The following SAMSN1 variants were observed in gnomAD, a reference collection of about 807,000 sequenced individuals.
SAMSN1 encodes SAM domain-containing protein SAMSN-1.
SAMSN1 carries 31 observed loss-of-function variants against 42.0 expected under a neutral mutation model. The ratio of observed to expected loss-of-function variants is 0.74; its 90% confidence interval spans 0.55 to 1.00. The LOEUF (loss-of-function observed/expected upper bound fraction) is 1.00, where lower values mean the gene tolerates loss of function less well. Ranked by LOEUF, SAMSN1 falls within the 50% of genes least tolerant of loss-of-function variation. SAMSN1 has a pLI of 0.00. For missense variants in SAMSN1, 464 were observed against 439.4 expected (o/e 1.06, Z -0.50); for synonymous variants, 178 against 151.9 (o/e 1.17, Z -1.26).
At chr21:14,581,868 C>A (rs1486470743) in intron 2 of SAMSN1, among the ~76,000 whole-genome samples, 2 of 152,116 alleles carry the variant, frequency 1.3e-5, no homozygotes, top group African/African-American at 2.4e-5. Context: ...TTCTTGATCT[C>A]AGTCAACACA....
intron 1 of SAMSN1, among the ~76,000 whole-genome samples, chr21:14,544,477 G>GAA (rs1568801255): frequency 1.3e-5 from 2 of 152,060 alleles, no homozygotes; most frequent in African/African-American, 4.8e-5. Context: ...ATGTTAAAAG[G>GAA]AAACAATCCA....
intron 2 of SAMSN1, among the ~76,000 whole-genome samples, chr21:14,556,073 T>C (rs1338926684): frequency 1.3e-5 from 2 of 152,222 alleles, no homozygotes; most frequent in Admixed American, 1.3e-4. Context: ...GGAAGAGATA[T>C]ATATGAGCTT....
chr21:14,517,571 TC>T (rs1987973087), intron 2 of SAMSN1, among the ~76,000 whole-genome samples: 1 of 152,204 alleles, frequency 6.6e-6, no homozygotes, highest in African/African-American at 2.4e-5. Flanking sequence ...AGATTTTTTT[TC>T]ATCTTAGTGT....
intron 2 of SAMSN1, among the ~76,000 whole-genome samples, chr21:14,570,123 C>T (rs8131224): frequency 3.6e-4 from 54 of 152,106 alleles, no homozygotes; most frequent in Non-Finnish European, 5.0e-4. Flanking sequence ...CGGGTGACTG[C>T]GCAGGTACCT....
chr21:14,644,837 G>A (rs1983681600), intron 1 of SAMSN1, among the ~76,000 whole-genome samples: 1 of 151,936 alleles, frequency 6.6e-6, no homozygotes, highest in South Asian at 2.1e-4. Flanking sequence ...ACAAAAAGCT[G>A]ACTTAAGAGA....
intron 2 of SAMSN1, among the ~76,000 whole-genome samples, chr21:14,625,361 T>C (rs1042919599): frequency 2.6e-5 from 4 of 152,194 alleles, no homozygotes; most frequent in Non-Finnish European, 4.4e-5. Context: ...GATGACATGA[T>C]TGTATATTTA....
At chr21:14,488,730 G>GAAA (rs1568759970) in intron 7 of SAMSN1, among the ~76,000 whole-genome samples, 1 of 151,928 alleles carries the variant, frequency 6.6e-6, no homozygotes, top group African/African-American at 2.4e-5. Context: ...TATGGAAAAA[G>GAAA]AAAATAGTTT....
chr21:14,616,363 T>C (rs1041991892), intron 2 of SAMSN1, among the ~76,000 whole-genome samples: 26 of 151,732 alleles, frequency 1.7e-4, no homozygotes, highest in Non-Finnish European at 3.1e-4. Flanking sequence ...TAAATCCTCA[T>C]TATCTAAACC....
At position 14,600,479 on chromosome 21, in the gene SAMSN1, C is replaced by T. The variant is rs532859784; in HGVS notation, c.399+1544G>A. Among the ~76,000 whole-genome samples the T allele has an allele frequency of 1.9e-4, 29 of 152,220 alleles. 1 individual carries two copies. The highest frequency in any genetic ancestry group is 5.1e-4 in the African/African-American group (21 of 41,518). On this transcript the variant is annotated intron_variant, in intron 6 of 15. Transcript: ENST00000647101. ...GTCTGTCACTAGGTATGAATTCCTT[C>T]GATCTTTAGTGATACACTACATGTC...
intron 2 of SAMSN1, among the ~76,000 whole-genome samples, chr21:14,518,643 C>G (rs1037992620): frequency 6.6e-6 from 1 of 152,032 alleles, no homozygotes; most frequent in African/African-American, 2.4e-5. Flanking sequence ...AAAGTTTAAC[C>G]ACATAGTTAA....
intron 1 of SAMSN1, among the ~76,000 whole-genome samples, chr21:14,525,328 A>G (rs1978772804): frequency 6.6e-6 from 1 of 152,228 alleles, no homozygotes; most frequent in Non-Finnish European, 1.5e-5. Context: ...TTTAAGGAAA[A>G]AAAGAGACAG....
chr21:14,525,556 C>A (rs954218467), intron 1 of SAMSN1, among the ~76,000 whole-genome samples: 3 of 152,106 alleles, frequency 2.0e-5, no homozygotes, highest in African/African-American at 7.2e-5. Context: ...ATACCAAAAA[C>A]ATCAAAAGAC....
intron 2 of SAMSN1, among the ~76,000 whole-genome samples, chr21:14,636,803 G>A (rs1983479397): frequency 6.6e-6 from 1 of 152,072 alleles, no homozygotes; most frequent in Non-Finnish European, 1.5e-5. Flanking sequence ...GGTGGAGCTT[G>A]CAGTGAGCCA....
upstream of SAMSN1, among the ~76,000 whole-genome samples, chr21:14,587,523 G>A (rs1981953411): frequency 6.6e-6 from 1 of 151,768 alleles, no homozygotes; most frequent in South Asian, 2.1e-4. Flanking sequence ...TCCTTTTCTT[G>A]AAATTAAATT....
rs775936134 is a variant in SAMSN1 at position 14,582,347 on chromosome 21, G to A, written c.50C>T (p.Thr17Ile). Residue 17 changes from threonine (T) to isoleucine (I), a missense_variant, in exon 2 of 9, where the codon ACT (threonine) becomes ATT (isoleucine). Physicochemically the swap from Thr to Ile is moderately conservative, Grantham distance 89. Transcript: ENST00000285670. ...ATCTTCCAAGTTGCAGTTATTTAAA[G>A]TGCTGGATCTACCCAGTGATGCAGA... is the stretch of plus-strand genomic sequence containing the variant. 51 of 1,550,006 alleles carry A rather than the reference G, an allele frequency of 3.3e-5. No homozygotes were observed. In the South Asian group the frequency reaches 5.8e-4, roughly 18 times the overall value.
At chr21:14,522,043 G>A (rs1882913) in intron 1 of SAMSN1, among the ~76,000 whole-genome samples, 26,550 of 151,974 alleles carry the variant, frequency 0.17, 2,592 homozygotes, top group East Asian at 0.28. Context: ...ACAGTCCAAG[G>A]TTGGGAGTAA....
chr21:14,606,827 G>A (rs954634253), intron 5 of SAMSN1, among the ~76,000 whole-genome samples: 1 of 152,130 alleles, frequency 6.6e-6, no homozygotes, highest in African/African-American at 2.4e-5. Context: ...AGCTTATTCT[G>A]ATAAATTTGG....
chr21:14,512,344 C>G, intron 4 of SAMSN1, 100 bp downstream of exon 4: 2 of 1,218,142 alleles, frequency 1.6e-6, no homozygotes, highest in South Asian at 2.6e-5. Flanking sequence ...TTTCTCTTAT[C>G]AAGTAGCTGG....
upstream of SAMSN1, among the ~76,000 whole-genome samples, chr21:14,550,071 T>C (rs1347578890): frequency 1.3e-5 from 2 of 152,164 alleles, no homozygotes; most frequent in African/African-American, 4.8e-5. Context: ...TACCCTCCTC[T>C]AGTTATCTAG....
Sources: gnomAD v4.1 joint callset for allele counts (sites outside exome capture counted in the v4.1 genomes callset) on GRCh38, gnomAD v4.1.1 for gene constraint, MANE v1.5 for transcripts, NCBI Gene and HGNC (gene_info 2026-07-23, HGNC 2026-07-21) for gene names.